The following ARHGEF28 variants were observed in gnomAD, a reference collection of about 807,000 sequenced individuals.
ARHGEF28 encodes the protein Rho guanine nucleotide exchange factor 28, also known as 190 kDa guanine nucleotide exchange factor.
A neutral mutation model predicts 206.6 loss-of-function variants in ARHGEF28; 152 were observed. The observed-to-expected ratio is 0.74, with a 90% CI of 0.64 to 0.84. The LOEUF (loss-of-function observed/expected upper bound fraction) is 0.84, where lower values mean the gene tolerates loss of function less well. Ranked by LOEUF, ARHGEF28 falls within the 40% of genes least tolerant of loss-of-function variation. ARHGEF28 has a pLI of 0.00. For synonymous variants in ARHGEF28, 763 were observed against 776.4 expected (o/e 0.98, Z 0.29); for missense variants, 2,028 against 2,073.2 (o/e 0.98, Z 0.42).
rs146562116 is a variant in ARHGEF28 at position 73,894,487 on chromosome 5, C to T, written c.3753C>T (p.Asp1251=). 0.02 allele frequency: 32,514 copies of T among 1,613,868 alleles called. 1,218 individuals carry two copies. Among genetic ancestry groups the T allele is most frequent in the Admixed American group, 0.16 (9,461 of 59,972 alleles). Residue 1251 remains aspartate, a synonymous_variant, in exon 29 of 36, where the codon GAC becomes GAT. Coordinates refer to ENST00000513042, the MANE Select transcript of ARHGEF28 (RefSeq NM_001177693.2). ...AELGELSGFE[D]VHLEPHLLIK... ...TTGGAGAACTGAGCGGATTTGAGGA[C>T]GTCCATCTAGAGCCCCACCTCCTTA...
chr5:73,927,141 G>A (rs1278797738), intron 35 of ARHGEF28, among the ~76,000 whole-genome samples: 2 of 151,970 alleles, frequency 1.3e-5, no homozygotes, highest in East Asian at 3.9e-4. Context: ...TGGAAGGATT[G>A]CTTGAGCCCA....
At chr5:73,743,179 A>C (rs1020415663) in intron 2 of ARHGEF28, among the ~76,000 whole-genome samples, 1 of 152,112 alleles carries the variant, frequency 6.6e-6, no homozygotes, top group Non-Finnish European at 1.5e-5. Context: ...GTCTGTTGGC[A>C]CTGAATTCTC....
chr5:73,776,419 T>C lies in ARHGEF28; in HGVS notation c.660-97T>C, dbSNP rs566272065. On this transcript the variant is annotated intron_variant, in intron 5 of 35. Coordinates refer to ENST00000513042, the MANE Select transcript of ARHGEF28 (RefSeq NM_001177693.2). The stretch of plus-strand genomic sequence containing the variant: ...TGACTTTCAAGGATCATTTTGCCAG[T>C]TGGATTTGTAAGATCAGGGGCAGTG... The C allele has an allele frequency of 1.5e-5, 17 of 1,142,796 alleles. No homozygotes were observed. In the Admixed American group the frequency reaches 3.1e-4, roughly 21 times the overall value. The allele number at this position is 1,142,796 out of a possible 1,614,324, so 70.8% of individuals were successfully genotyped here.
Position 73,867,751 on chromosome 5 carries a change from A to C in ARHGEF28, c.2153-125A>C, listed in dbSNP as rs1759800356. The C allele has an allele frequency of 2.3e-6, 3 of 1,293,266 alleles. No homozygotes were observed. In the East Asian group the frequency reaches 7.4e-5, roughly 32 times the overall value. The allele number at this position is 1,293,266 out of a possible 1,614,324, so 80.1% of individuals were successfully genotyped here. A position where few individuals can be genotyped will look rare whatever the true frequency, so the allele number is the denominator to read the frequency against. On this transcript the variant is annotated intron_variant, in intron 18 of 35. Transcript: ENST00000513042. ...AGGATCTAGCAGGGAGACTGGTTTT[A>C]AGGCAGAGCATGCATCAGATTACAA...
intron 2 of ARHGEF28, among the ~76,000 whole-genome samples, chr5:73,711,510 TTTA>T (rs1312714482): frequency 1.3e-5 from 2 of 152,140 alleles, no homozygotes; most frequent in Non-Finnish European, 2.9e-5. Flanking sequence ...TCATCAGGGT[TTTA>T]TTGTTTTTAG....
intron 9 of ARHGEF28, among the ~76,000 whole-genome samples, chr5:73,825,771 T>A (rs1756871547): frequency 6.6e-6 from 1 of 151,820 alleles, no homozygotes; most frequent in Non-Finnish European, 1.5e-5. Context: ...AAAGACAGAG[T>A]TGCCATTTTT....
rs578249774 is a variant in ARHGEF28, at chr5:73,782,645, G to A, written c.910+1900G>A. 9.9e-5 allele frequency among the ~76,000 whole-genome samples: 15 copies of A among 152,224 alleles called. No individual in the cohort carries two copies. In the South Asian group the frequency reaches 1.9e-3, roughly 19 times the overall value. ...CTATTCTCCCCTGTGGGTGACACTC[G>A]CTACTGGCTGTGTTGACGGAGCCAC... On this transcript the variant is annotated intron_variant, in intron 7 of 35. Coordinates refer to ENST00000513042, the MANE Select transcript of ARHGEF28 (RefSeq NM_001177693.2).
Position 73,773,874 on chromosome 5 carries a change from T to G in ARHGEF28, c.495T>G (p.Ser165=), listed in dbSNP as rs1753383881. Residue 165 remains serine, a synonymous_variant, in exon 5 of 36, where the codon TCT becomes TCG. Transcript: ENST00000513042. ...CTTCAGTATCTTCTCACAGAGAATC[T>G]CTTCTACACCTGGCTATGAGATGGG... The part of the protein sequence containing the change: ...SSLEVSSHRE[S]LLHLAMRWGL... The G allele has an allele frequency of 6.2e-7, 1 of 1,604,098 alleles. No individual in the cohort carries two copies. The highest frequency in any genetic ancestry group is 8.5e-7 in the Non-Finnish European group (1 of 1,175,592).
Position 73,892,152 on chromosome 5 carries a change from C to A in ARHGEF28, c.3488C>A (p.Pro1163His). 1 of 1,585,696 alleles carries A rather than the reference C, an allele frequency of 6.3e-7. No individual in the cohort carries two copies. The highest frequency in any genetic ancestry group is 2.3e-5 in the East Asian group (1 of 44,140). ...MFLISASSAG[P>H]EMYEIHTNSK... is the part of the protein sequence containing the mutation. Reference sequence around the variant, plus strand: ...CTGATCAGTGCTTCATCTGCTGGTCCTGAGATGTATGAAATTCACACCAAT... The same window carrying A: ...CTGATCAGTGCTTCATCTGCTGGTCATGAGATGTATGAAATTCACACCAAT... The change falls in exon 27 of 36, where the codon CCT becomes CAT. Residue 1163 changes from proline (P) to histidine (H), a missense_variant. By Grantham distance (77) the Pro-to-His change is moderately conservative. Transcript: ENST00000513042.
chr5:73,784,069 G>A (rs1754008655), intron 7 of ARHGEF28, among the ~76,000 whole-genome samples: 1 of 151,868 alleles, frequency 6.6e-6, no homozygotes. Flanking sequence ...CCATTCATGA[G>A]TCTGGAGGAG....
chr5:73,686,569 A>T (rs1429992680), intron 2 of ARHGEF28, among the ~76,000 whole-genome samples: 1 of 144,844 alleles, frequency 6.9e-6, no homozygotes, highest in African/African-American at 2.6e-5. Flanking sequence ...CCCAGGCTGG[A>T]GTGCAGTGGT....
intron 1 of ARHGEF28, among the ~76,000 whole-genome samples, chr5:73,684,058 T>C (rs1747281610): frequency 6.6e-6 from 1 of 152,232 alleles, no homozygotes; most frequent in Non-Finnish European, 1.5e-5. Context: ...ATTACTATGA[T>C]TTTTAATTTT....
At position 73,636,050 on chromosome 5, in the gene ARHGEF28, C is replaced by G. The variant is rs193201104; in HGVS notation, c.-12+9728C>G. 4.6e-5 allele frequency among the ~76,000 whole-genome samples: 7 copies of G among 152,266 alleles called. No homozygotes were observed. In the East Asian group the frequency reaches 1.3e-3, roughly 29 times the overall value. On this transcript the variant is annotated intron_variant, in intron 1 of 35. Transcript: ENST00000513042. ...TTGCTCACTGACAATAAAACAGTATCAAGGACTCCTTGATGTTTAGTTAGA... is the reference window on the plus strand; with the variant it reads ...TTGCTCACTGACAATAAAACAGTATGAAGGACTCCTTGATGTTTAGTTAGA...
chr5:73,940,817 G>T (rs1455019528), intron 35 of ARHGEF28, 27 bp from the exon 36 acceptor site: 2 of 1,439,932 alleles, frequency 1.4e-6, no homozygotes, highest in East Asian at 5.3e-5. Context: ...GTGGCCTCCT[G>T]TAACCTGTGC....
chr5:73,844,582 GT>G (rs1432152792), intron 11 of ARHGEF28, among the ~76,000 whole-genome samples: 1 of 147,484 alleles, frequency 6.8e-6, no homozygotes, highest in African/African-American at 2.5e-5. Flanking sequence ...ACCTAAACAG[GT>G]TAATTCAAAG....
chr5:73,721,505 G>A (rs1580526336), intron 2 of ARHGEF28, among the ~76,000 whole-genome samples: 2 of 152,292 alleles, frequency 1.3e-5, no homozygotes, highest in South Asian at 2.1e-4. Context: ...CCCCCCAGAA[G>A]CTGCCTCTGC....
At chr5:73,721,946 T>C (rs910546999) in intron 2 of ARHGEF28, among the ~76,000 whole-genome samples, 1 of 152,212 alleles carries the variant, frequency 6.6e-6, no homozygotes, top group Non-Finnish European at 1.5e-5. Flanking sequence ...AGTTTTGTCA[T>C]GAGCTCAGTG....
At chr5:73,723,720 C>T (rs192586931) in intron 2 of ARHGEF28, among the ~76,000 whole-genome samples, 3 of 152,284 alleles carry the variant, frequency 2.0e-5, no homozygotes, top group Non-Finnish European at 4.4e-5. Flanking sequence ...TCAAAATCTC[C>T]TCTGTCACCT....
chr5:73,934,435 A>G (rs1307570889), intron 35 of ARHGEF28, among the ~76,000 whole-genome samples: 3 of 152,220 alleles, frequency 2.0e-5, no homozygotes, highest in Non-Finnish European at 4.4e-5. Flanking sequence ...AAAGTTTCAC[A>G]TCAGCTTTTT....
Sources: gnomAD v4.1 joint callset for allele counts (sites outside exome capture counted in the v4.1 genomes callset) on GRCh38, gnomAD v4.1.1 for gene constraint, MANE v1.5 for transcripts, NCBI Gene and HGNC (gene_info 2026-07-23, HGNC 2026-07-21) for gene names.